The following MGRN1 variants were observed in gnomAD, a reference collection of about 807,000 sequenced individuals.
MGRN1 encodes the protein E3 ubiquitin-protein ligase MGRN1.
A neutral mutation model predicts 69.2 loss-of-function variants in MGRN1; 29 were observed. That is an observed-to-expected ratio of 0.42 (90% CI 0.31 to 0.57). The LOEUF (loss-of-function observed/expected upper bound fraction) is 0.57, where lower values mean the gene tolerates loss of function less well. Ranked by LOEUF, MGRN1 falls within the 20% of genes least tolerant of loss-of-function variation. The pLI, the probability that MGRN1 is intolerant of heterozygous loss-of-function variation, is 0.15. For missense variants in MGRN1, 998 were observed against 796.2 expected (o/e 1.25, Z -3.05); for synonymous variants, 470 against 344.2 (o/e 1.37, Z -4.04).
chr16:4,669,523 T>C (rs990315187), intron 8 of MGRN1, among the ~76,000 whole-genome samples: 2 of 151,234 alleles, frequency 1.3e-5, no homozygotes, highest in African/African-American at 4.9e-5. Flanking sequence ...TGGGTGAGCA[T>C]ATATGTTTTG....
intron 7 of MGRN1, among the ~76,000 whole-genome samples, chr16:4,665,649 G>A (rs1442959573): frequency 1.3e-5 from 2 of 150,052 alleles, no homozygotes; most frequent in Non-Finnish European, 1.5e-5. Flanking sequence ...GAGTACAGGC[G>A]TGAGCCACGT....
intron 16 of MGRN1, among the ~76,000 whole-genome samples, chr16:4,685,402 C>T (rs2079288097): frequency 1.3e-5 from 2 of 152,250 alleles, no homozygotes; most frequent in Non-Finnish European, 2.9e-5. Flanking sequence ...TCTCATGCCC[C>T]ACCCACAGGG....
chr16:4,675,086 ACT>A (rs1450175017), intron 10 of MGRN1, among the ~76,000 whole-genome samples: 1 of 148,698 alleles, frequency 6.7e-6, no homozygotes, highest in African/African-American at 2.5e-5. Flanking sequence ...GATTCTTGTG[ACT>A]CAGCCTCCTG....
In MGRN1 at chr16:4,657,498, C is replaced by G. The variant is rs1436022102; in HGVS notation, c.561+135C>G. The G allele has an allele frequency of 7.0e-6, 6 of 853,664 alleles. No homozygotes were observed. The East Asian group carries it at 1.0e-4, about 15-fold the overall frequency. The allele number at this position is 853,664 out of a possible 1,614,324, so 52.9% of individuals were successfully genotyped here. ...AAGACCTGGGAACGGCCGCCCCAGTCTGTGCTCAGGTGGACGTGTGGATGG... is the reference window on the plus strand; with the variant it reads ...AAGACCTGGGAACGGCCGCCCCAGTGTGTGCTCAGGTGGACGTGTGGATGG... On this transcript the variant is annotated intron_variant, in intron 5 of 16. Transcript: ENST00000262370.
At chr16:4,636,351 T>C (rs1191958717) in intron 1 of MGRN1, among the ~76,000 whole-genome samples, 1 of 151,792 alleles carries the variant, frequency 6.6e-6, no homozygotes, top group African/African-American at 2.4e-5. Flanking sequence ...CACCTCAGGA[T>C]GAGATGGGAT....
rs192075945 is a variant in MGRN1 at position 4,677,581 on chromosome 16, C to T, written c.1065+9C>T. Reference sequence around the variant, plus strand: ...AGCATGATGAGCACTCTGTAAGTGCCGCCTCCTGCCTGCGGGATGGGCGGG... The same window carrying T: ...AGCATGATGAGCACTCTGTAAGTGCTGCCTCCTGCCTGCGGGATGGGCGGG... On this transcript the variant is annotated intron_variant, in intron 11 of 16. Coordinates refer to ENST00000262370, the MANE Select transcript of MGRN1 (RefSeq NM_015246.4). 20 of 1,597,860 alleles carry T rather than the reference C, an allele frequency of 1.3e-5. No homozygotes were observed. The highest frequency in any genetic ancestry group is 2.2e-5 in the South Asian group (2 of 91,032).
intron 1 of MGRN1, chr16:4,634,641 G>C (rs1898187486): frequency 6.6e-6 from 1 of 152,580 alleles, no homozygotes; most frequent in Non-Finnish European, 1.5e-5. Flanking sequence ...CCCTCTGCTT[G>C]TTTGTGGAGA....
At chr16:4,650,588 T>C (rs2078383492) in intron 2 of MGRN1, 105 bp downstream of exon 2, 5 of 874,934 alleles carry the variant, frequency 5.7e-6, no homozygotes, top group Non-Finnish European at 8.8e-6. Flanking sequence ...AAATCACCCC[T>C]AAAGGGGGCA....
At position 4,673,769 on chromosome 16, in the gene MGRN1, A is replaced by G. The variant is rs994671376; in HGVS notation, c.955+112A>G. ...GGTCCGTTGATGGCTAAGAAAGAAG[A>G]GTTGTCATTCATCTAGTCTGTGCTG... On this transcript the variant is annotated intron_variant, in intron 10 of 16. Coordinates refer to ENST00000262370, the MANE Select transcript of MGRN1 (RefSeq NM_015246.4). 15 of 1,343,690 alleles carry G rather than the reference A, an allele frequency of 1.1e-5. No individual in the cohort carries two copies. In the African/African-American group the frequency reaches 1.7e-4, roughly 16 times the overall value. 83.2% of individuals were successfully genotyped at this position (1,343,690 alleles called of 1,614,324 possible).
chr16:4,637,525 GA>G (rs998153060), intron 1 of MGRN1, among the ~76,000 whole-genome samples: 3 of 152,204 alleles, frequency 2.0e-5, no homozygotes, highest in African/African-American at 7.2e-5. Context: ...TAATTCTTTG[GA>G]AATTGGCCGC....
chr16:4,685,225 G>C (rs1390573369), intron 16 of MGRN1, among the ~76,000 whole-genome samples: 4 of 152,264 alleles, frequency 2.6e-5, no homozygotes, highest in Non-Finnish European at 5.9e-5. Context: ...TCGGGGAAGA[G>C]GCCAGAAGGA....
chr16:4,633,591 TGAGGCAG>T (rs1381532657), intron 1 of MGRN1: 8 of 150,494 alleles, frequency 5.3e-5, no homozygotes, highest in Admixed American at 5.3e-4. Context: ...CTCGGGAGGC[TGAGGCAG>T]GAGAATCACT....
intron 4 of MGRN1, among the ~76,000 whole-genome samples, chr16:4,655,376 C>A (rs996714030): frequency 1.3e-5 from 2 of 152,328 alleles, no homozygotes; most frequent in African/African-American, 2.4e-5. Flanking sequence ...TCTCCTAGAC[C>A]CCTGCGGGCT....
chr16:4,664,880 G>A, intron 6 of MGRN1, 105 bp downstream of exon 6: 2 of 1,451,428 alleles, frequency 1.4e-6, no homozygotes, highest in Non-Finnish European at 1.9e-6. Context: ...GCCAGGCATA[G>A]GGCCTTGGGC....
intron 2 of MGRN1, chr16:4,651,074 A>C (rs1596280481): frequency 6.6e-6 from 1 of 151,724 alleles, no homozygotes; most frequent in African/African-American, 2.4e-5. Flanking sequence ...GCACCACTAC[A>C]CTCCAGACTG....
intron 16 of MGRN1, chr16:4,688,572 A>T: frequency 1.6e-6 from 2 of 1,288,362 alleles, no homozygotes; most frequent in Non-Finnish European, 2.0e-6. Flanking sequence ...GTGTCCGGGG[A>T]TCTGGGATCG....
intron 4 of MGRN1, among the ~76,000 whole-genome samples, chr16:4,653,476 T>C (rs2078453253): frequency 6.6e-6 from 1 of 151,912 alleles, no homozygotes. Flanking sequence ...CAGTTCCAGG[T>C]TTTTGTTTTG....
intron 13 of MGRN1, among the ~76,000 whole-genome samples, chr16:4,682,264 T>C (rs920589769): frequency 6.6e-6 from 1 of 152,238 alleles, no homozygotes; most frequent in Non-Finnish European, 1.5e-5. Context: ...CTCCAGGCGA[T>C]GAGTGCATCA....
rs533254899 is a variant in MGRN1, at chr16:4,642,342, G to A, written c.89-8023G>A. ...AAACGGAGTCGTCTTCTGTCACCCA[G>A]GCTGGAGTTCAATGGTGTGATCTCC... is the stretch of plus-strand genomic sequence containing the variant. On this transcript the variant is annotated intron_variant, in intron 1 of 16. Coordinates refer to ENST00000262370, the MANE Select transcript of MGRN1 (RefSeq NM_015246.4). Among the ~76,000 whole-genome samples, 4 of 152,012 alleles carry A rather than the reference G, an allele frequency of 2.6e-5. No homozygotes were observed. In the East Asian group the frequency reaches 5.8e-4, roughly 22 times the overall value.
Sources: allele counts gnomAD v4.1 joint callset (sites outside exome capture counted in the v4.1 genomes callset), GRCh38; gene constraint gnomAD v4.1.1; transcripts MANE v1.5; gene names NCBI Gene and HGNC (gene_info 2026-07-23, HGNC 2026-07-21).